Variants in SCFD2 observed in about 807,000 individuals in gnomAD.
SCFD2 encodes the protein sec1 family domain containing 2.
In SCFD2, 54 loss-of-function variants were observed where a neutral mutation model predicts 58.9. The observed-to-expected ratio is 0.92, with a 90% CI of 0.74 to 1.15. The LOEUF is 1.15. Ranked by LOEUF, SCFD2 falls within the 50% of genes most tolerant of loss-of-function variation. The probability of loss-of-function intolerance (pLI) is 0.00; values close to 1 mark genes in which losing one functional copy is unlikely to be tolerated. For missense variants in SCFD2, 805 were observed against 836.6 expected (o/e 0.96, Z 0.47); for synonymous variants, 321 against 335.9 (o/e 0.96, Z 0.49).
intron 2 of SCFD2, among the ~76,000 whole-genome samples, chr4:53,331,457 C>T (rs1238843231): frequency 6.6e-6 from 1 of 152,172 alleles, no homozygotes; most frequent in Non-Finnish European, 1.5e-5. Flanking sequence ...CAAAACCGCT[C>T]AACTACATGG....
intron 2 of SCFD2, among the ~76,000 whole-genome samples, chr4:53,341,736 C>G (rs1288358289): frequency 6.6e-6 from 1 of 152,110 alleles, no homozygotes; most frequent in Non-Finnish European, 1.5e-5. Flanking sequence ...AAAGGGAAGC[C>G]CATCAGACTA....
At chr4:52,883,605 TC>T (rs1046866016) in intron 8 of SCFD2, among the ~76,000 whole-genome samples, 3 of 152,180 alleles carry the variant, frequency 2.0e-5, no homozygotes, top group African/African-American at 7.2e-5. Context: ...CTGCATTTTA[TC>T]CTTTTAGAGT....
intron 7 of SCFD2, among the ~76,000 whole-genome samples, chr4:52,905,432 AG>A (rs1560476817): frequency 6.6e-6 from 1 of 152,226 alleles, no homozygotes; most frequent in Non-Finnish European, 1.5e-5. Context: ...TGGAGTGGAC[AG>A]GGCTTTGTTG....
intron 5 of SCFD2, among the ~76,000 whole-genome samples, chr4:53,100,632 G>A (rs941666943): frequency 1.3e-5 from 2 of 152,074 alleles, no homozygotes; most frequent in African/African-American, 4.8e-5. Context: ...CGTACTGTAA[G>A]AATAAAATCT....
chr4:53,167,939 G>C (rs1418223409), intron 4 of SCFD2, among the ~76,000 whole-genome samples: 2 of 152,180 alleles, frequency 1.3e-5, no homozygotes, highest in Non-Finnish European at 2.9e-5. Context: ...CAGTGTCTTG[G>C]AGTAATATGA....
chr4:53,285,110 G>C (rs1299169369), intron 3 of SCFD2, among the ~76,000 whole-genome samples: 1 of 152,178 alleles, frequency 6.6e-6, no homozygotes, highest in African/African-American at 2.4e-5. Context: ...AACTGCTGCA[G>C]GATCCGGAGT....
intron 4 of SCFD2, among the ~76,000 whole-genome samples, chr4:53,178,764 G>T (rs995903962): frequency 6.6e-6 from 1 of 152,090 alleles, no homozygotes; most frequent in Admixed American, 6.6e-5. Context: ...AAAATTAGAC[G>T]AATGGATAAC....
At chr4:52,954,570 G>A (rs1055144977) in intron 5 of SCFD2, among the ~76,000 whole-genome samples, 7 of 152,070 alleles carry the variant, frequency 4.6e-5, no homozygotes, top group Non-Finnish European at 7.3e-5. Context: ...TTCATATTCC[G>A]CCACCTAATC....
intron 4 of SCFD2, among the ~76,000 whole-genome samples, chr4:53,221,641 G>A (rs1427208997): frequency 2.6e-5 from 4 of 152,120 alleles, no homozygotes; most frequent in Non-Finnish European, 4.4e-5. Flanking sequence ...ATGATTGCTT[G>A]CTTACTTTTT....
intron 4 of SCFD2, among the ~76,000 whole-genome samples, chr4:53,271,927 T>C (rs1174198091): frequency 2.0e-5 from 3 of 152,106 alleles, no homozygotes; most frequent in African/African-American, 7.2e-5. Context: ...ACCTACAGAA[T>C]GGGAGAACAT....
At chr4:53,236,647 T>C (rs1305807943) in intron 4 of SCFD2, among the ~76,000 whole-genome samples, 1 of 150,454 alleles carries the variant, frequency 6.6e-6, no homozygotes, top group Non-Finnish European at 1.5e-5. Flanking sequence ...ATGTCTGGCA[T>C]GTTTTTTTTT....
chr4:53,150,128 A>G (rs1181758142), intron 4 of SCFD2, among the ~76,000 whole-genome samples: 1 of 152,208 alleles, frequency 6.6e-6, no homozygotes, highest in African/African-American at 2.4e-5. Context: ...TCTCTGTACT[A>G]TCTTGGGAAC....
At chr4:53,088,447 G>A (rs1724376161) in intron 5 of SCFD2, among the ~76,000 whole-genome samples, 1 of 152,206 alleles carries the variant, frequency 6.6e-6, no homozygotes, top group Non-Finnish European at 1.5e-5. Context: ...AGTGGGCCTG[G>A]AAGGAGCATC....
At chr4:53,187,186 A>G (rs912786161) in intron 4 of SCFD2, among the ~76,000 whole-genome samples, 1 of 152,088 alleles carries the variant, frequency 6.6e-6, no homozygotes, top group East Asian at 1.9e-4. Flanking sequence ...ATATATACAA[A>G]TGAGAAAAAC....
intron 6 of SCFD2, among the ~76,000 whole-genome samples, chr4:52,918,433 C>A (rs550243657): frequency 1.4e-4 from 22 of 152,222 alleles, no homozygotes; most frequent in African/African-American, 5.3e-4. Flanking sequence ...GAACAAAACC[C>A]ATAAAAATCC....
chr4:53,164,934 C>T (rs17082476), intron 4 of SCFD2, among the ~76,000 whole-genome samples: 11,701 of 152,138 alleles, frequency 0.077, 670 homozygotes, highest in East Asian at 0.23. Context: ...CCCTTACAAA[C>T]GATTCTAAGT....
intron 5 of SCFD2, among the ~76,000 whole-genome samples, chr4:53,141,617 G>A (rs2148909464): frequency 6.7e-6 from 1 of 149,646 alleles, no homozygotes. Context: ...TCAATGTTGT[G>A]ATAATGTACA....
chr4:53,291,524 A>G (rs980209629), intron 3 of SCFD2, among the ~76,000 whole-genome samples: 2 of 152,178 alleles, frequency 1.3e-5, no homozygotes, highest in South Asian at 2.1e-4. Flanking sequence ...AGGAAGAATC[A>G]ATATCATGAA....
chr4:52,940,711 A>G (rs930393734), intron 5 of SCFD2, among the ~76,000 whole-genome samples: 6 of 152,170 alleles, frequency 3.9e-5, no homozygotes, highest in African/African-American at 1.2e-4. Context: ...GCCAGGGAAC[A>G]ATCTGTTTTG....
Sources: gnomAD v4.1 joint callset for allele counts (sites outside exome capture counted in the v4.1 genomes callset) on GRCh38, gnomAD v4.1.1 for gene constraint, MANE v1.5 for transcripts, NCBI Gene and HGNC (gene_info 2026-07-23, HGNC 2026-07-21) for gene names.